The following NPPB variants were observed in gnomAD, a reference collection of about 807,000 sequenced individuals.
NPPB encodes the protein natriuretic peptide B.
In NPPB, 13 loss-of-function variants were observed where a neutral mutation model predicts 12.7. The observed-to-expected ratio is 1.03, with a 90% CI of 0.67 to 1.63. NPPB has a LOEUF of 1.63. NPPB is among the 40% of genes most tolerant of loss of function. The probability of loss-of-function intolerance (pLI) is 0.00; values close to 1 mark genes in which losing one functional copy is unlikely to be tolerated. For missense variants in NPPB, 184 were observed against 172.9 expected, an observed-to-expected ratio of 1.06 and a Z score of -0.36; for synonymous variants, 66 against 74.7, an observed-to-expected ratio of 0.88 and a Z score of 0.60.
At position 11,858,274 on chromosome 1, in the gene NPPB, A is replaced by G. The variant is rs993323918; in HGVS notation, c.328T>C (p.Ser110Pro). ...APRSPKMVQGSGCFGRKMDRI... is the reference protein window; with the variant it reads ...APRSPKMVQGPGCFGRKMDRI... ...TCCATCTTCCTCCCAAAGCAGCCAG[A>G]CCCTTGCACCATCTTGGGGCTTCGT... is the stretch of plus-strand genomic sequence containing the variant. The change falls in exon 2 of 3, where the codon TCT becomes CCT. Residue 110 changes from serine to proline, a missense_variant. By Grantham distance (74) the Ser-to-Pro change is moderately conservative. Transcript: ENST00000376468. The G allele has an allele frequency of 1.2e-6, 2 of 1,613,940 alleles. No homozygotes were observed. The highest frequency in any genetic ancestry group is 2.2e-5 in the East Asian group (1 of 44,864).
At position 11,858,301 on chromosome 1, in the gene NPPB, G is replaced by C. The variant is rs1170739284; in HGVS notation, c.301C>G (p.Pro101Ala). ...RKMVLYTLRA[P>A]RSPKMVQGSG... ...CCTTGCACCATCTTGGGGCTTCGTG[G>C]TGCCCGCAGGGTGTAGAGGACCATT... Residue 101 changes from proline to alanine, a missense_variant, in exon 2 of 3, where the codon CCA becomes GCA. Coordinates refer to ENST00000376468, the MANE Select transcript of NPPB (RefSeq NM_002521.3). 4.3e-6 allele frequency: 7 copies of C among 1,614,000 alleles called. No individual in the cohort carries two copies. The highest frequency in any genetic ancestry group is 1.3e-5 in the African/African-American group (1 of 74,922).
intron 2 of NPPB, 38 bp from the exon 3 acceptor site, chr1:11,857,709 G>A: frequency 6.2e-7 from 1 of 1,612,366 alleles, no homozygotes; most frequent in Admixed American, 1.7e-5. Flanking sequence ...TGGTTAGGGT[G>A]GGAGATGGAG....
In NPPB at chr1:11,857,679, G is replaced by A; in HGVS notation, c.389-8C>T. 6.2e-7 allele frequency: 1 copy of A among 1,613,920 alleles called. No homozygotes were observed. Among genetic ancestry groups the A allele is most frequent in the Non-Finnish European group, 8.5e-7 (1 of 1,179,896 alleles). ...CTTAATGCCGCCTCAGCACTGTCAG[G>A]GAAAGAGAGAGGGTGATGATGGTTA... On this transcript the variant is annotated splice_polypyrimidine_tract_variant and splice_region_variant and intron_variant, in intron 2 of 2. Coordinates refer to ENST00000376468, the MANE Select transcript of NPPB (RefSeq NM_002521.3).
intron 2 of NPPB, 90 bp downstream of exon 2, chr1:11,858,124 G>T: frequency 8.0e-7 from 1 of 1,251,854 alleles, no homozygotes; most frequent in Non-Finnish European, 1.1e-6. Context: ...CAAAGAGTGT[G>T]GTTCCCAGAG....
rs751994081 is a variant in NPPB at position 11,858,702 on chromosome 1, C to CTG, written c.130_131dup (p.Gln44HisfsTer40). 6.2e-7 allele frequency: 1 copy of CTG among 1,614,102 alleles called. No homozygotes were observed. Among genetic ancestry groups the CTG allele is most frequent in the Non-Finnish European group, 8.5e-7 (1 of 1,180,050 alleles). On this transcript the variant is annotated frameshift_variant and splice_region_variant, in exon 1 of 3. Transcript: ENST00000376468. LOFTEE classifies it high-confidence loss of function. Reference sequence around the variant, plus strand: ...CCCCTGAGCTGCCCTCCGCTCTCACCTGTAACCCGGACGTTTCCAAGTCCG... The same window carrying CTG: ...CCCCTGAGCTGCCCTCCGCTCTCACCTGTGTAACCCGGACGTTTCCAAGTCCG...
rs1645137443 is a variant in NPPB at position 11,858,906 on chromosome 1, T to C, written c.-73A>G. ...TGCTGCTGCTGCGATGCGTCCGGGT[T>C]TGCTTCCCACCTGCCCTCAGCCTGC... On this transcript the variant is annotated 5_prime_UTR_variant, in exon 1 of 3. Transcript: ENST00000376468. The C allele has an allele frequency of 2.5e-6, 4 of 1,608,386 alleles. No individual in the cohort carries two copies. The highest frequency in any genetic ancestry group is 3.4e-6 in the Non-Finnish European group (4 of 1,178,874).
In NPPB at chr1:11,858,177, A is replaced by G. The variant is rs1310133087; in HGVS notation, c.388+37T>C. ...GACTCTAACAGTGTCACACACTGGA[A>G]TGGGGGAAGGCGGCCGGGGTGGCAG... On this transcript the variant is annotated intron_variant, in intron 2 of 2. Coordinates refer to ENST00000376468, the MANE Select transcript of NPPB (RefSeq NM_002521.3). The G allele has an allele frequency of 2.6e-6, 4 of 1,554,490 alleles. No individual in the cohort carries two copies. In the African/African-American group the frequency reaches 4.1e-5, roughly 16 times the overall value.
chr1:11,858,289 T>C lies in NPPB; in HGVS notation c.313A>G (p.Lys105Glu). 6.2e-7 allele frequency: 1 copy of C among 1,614,126 alleles called. No homozygotes were observed. Among genetic ancestry groups the C allele is most frequent in the Non-Finnish European group, 8.5e-7 (1 of 1,179,990 alleles). Residue 105 changes from lysine (K) to glutamate (E), a missense_variant, in exon 2 of 3, where the codon AAG (lysine) becomes GAG (glutamate). Physicochemically the swap from Lys to Glu is moderately conservative, Grantham distance 56. Transcript: ENST00000376468. The part of the protein sequence containing the change: ...LYTLRAPRSP[K>E]MVQGSGCFGR... ...AAGCAGCCAGACCCTTGCACCATCT[T>C]GGGGCTTCGTGGTGCCCGCAGGGTG...
rs768745177 is a variant in NPPB at position 11,858,875 on chromosome 1, T to C, written c.-42A>G. 1 of 1,581,984 alleles carries C rather than the reference T, an allele frequency of 6.3e-7. No homozygotes were observed. On this transcript the variant is annotated 5_prime_UTR_variant, in exon 1 of 3. Transcript: ENST00000376468. ...CGGAGGCTGCTGCTGCTGCTTCTGC[T>C]GCTGCTGCTGCTGCTGCGATGCGTC...
Position 11,858,718 on chromosome 1 carries a change from T to G in NPPB, c.116A>C (p.Glu39Ala). ...CGCTCTCACCTGTAACCCGGACGTT[T>G]CCAAGTCCGAGGCTGAACCGGGGCT... The part of the protein sequence containing the change: ...LGSPGSASDL[E>A]TSGLQEQRNH... Residue 39 changes from glutamate (E) to alanine (A), a missense_variant, in exon 1 of 3, where the codon GAA (glutamate) becomes GCA (alanine). Coordinates refer to ENST00000376468, the MANE Select transcript of NPPB (RefSeq NM_002521.3). 1 of 1,614,142 alleles carries G rather than the reference T, an allele frequency of 6.2e-7. No individual in the cohort carries two copies. The highest frequency in any genetic ancestry group is 8.5e-7 in the Non-Finnish European group (1 of 1,180,030).
chr1:11,858,037 T>C (rs909762478), intron 2 of NPPB, among the ~76,000 whole-genome samples, 177 bp downstream of exon 2: 1 of 152,132 alleles, frequency 6.6e-6, no homozygotes, highest in African/African-American at 2.4e-5. Flanking sequence ...TAAGCCCACA[T>C]TTACTAATTC....
In NPPB at chr1:11,857,542, CAAAT is replaced by C; in HGVS notation, c.*109_*112del. The C allele has an allele frequency of 9.9e-7, 1 of 1,008,328 alleles. No homozygotes were observed. The highest frequency in any genetic ancestry group is 2.6e-5 in the East Asian group (1 of 38,492). The allele number at this position is 1,008,328 out of a possible 1,614,324, so 62.5% of individuals were successfully genotyped here. A position where few individuals can be genotyped will look rare whatever the true frequency, so the allele number is the denominator to read the frequency against. ...AAGAAACCATCTTATATAAAACAATCAAATAAATACATAAATACATTAAAAAAAT... is the reference window on the plus strand; with the variant it reads ...AAGAAACCATCTTATATAAAACAATCAAATACATAAATACATTAAAAAAAT... On this transcript the variant is annotated 3_prime_UTR_variant, in exon 3 of 3. Transcript: ENST00000376468.
rs1220945485 is a variant in NPPB at position 11,857,606 on chromosome 1, A to G, written c.*49T>C. 1.9e-6 allele frequency: 3 copies of G among 1,604,742 alleles called. No individual in the cohort carries two copies. Among genetic ancestry groups the G allele is most frequent in the Non-Finnish European group, 2.6e-6 (3 of 1,171,632 alleles). On this transcript the variant is annotated 3_prime_UTR_variant, in exon 3 of 3. Transcript: ENST00000376468. ...CAAAGGCGGCCACAGGGTTGAGGAA[A>G]AAGCCCCTTGTGGAATCAGAAGCAG...
intron 1 of NPPB, 48 bp downstream of exon 1, chr1:11,858,654 C>A: frequency 6.2e-7 from 1 of 1,613,652 alleles, no homozygotes; most frequent in Non-Finnish European, 8.5e-7. Context: ...AGGTGAGGAC[C>A]CTTTCATTGC....
chr1:11,857,516 T>C lies in NPPB; in HGVS notation c.*139A>G, dbSNP rs1645128630. The C allele has an allele frequency of 2.6e-6, 2 of 783,004 alleles. No homozygotes were observed. Among genetic ancestry groups the C allele is most frequent in the Admixed American group, 5.2e-5 (2 of 38,710 alleles). 48.5% of individuals were successfully genotyped at this position (783,004 alleles called of 1,614,324 possible). On this transcript the variant is annotated 3_prime_UTR_variant, in exon 3 of 3. Transcript: ENST00000376468. ...ACCGTGGAAATTTTGTGCTCAAAGG[T>C]AAGAAACCATCTTATATAAAACAAT...
At position 11,857,908 on chromosome 1, in the gene NPPB, G is replaced by A. The variant is rs964129348; in HGVS notation, c.389-237C>T. ...TAGAGGAAACCAGGAGGAAATGTTT[G>A]GTTCTCTTTCTGCACCACTGGGGGG... On this transcript the variant is annotated intron_variant, in intron 2 of 2. Coordinates refer to ENST00000376468, the MANE Select transcript of NPPB (RefSeq NM_002521.3). Among the ~76,000 whole-genome samples the A allele has an allele frequency of 3.9e-5, 6 of 152,150 alleles. No homozygotes were observed. In the East Asian group the frequency reaches 7.7e-4, roughly 20 times the overall value.
intron 1 of NPPB, 112 bp downstream of exon 1, chr1:11,858,590 T>G (rs1034045722): frequency 2.6e-5 from 41 of 1,590,264 alleles, no homozygotes; most frequent in Non-Finnish European, 3.5e-5. Flanking sequence ...CTCTCCATTT[T>G]CTGATTCCTT....
rs781514352 is a variant in NPPB at position 11,858,853 on chromosome 1, A to AGGC, written c.-23_-21dup. The AGGC allele has an allele frequency of 1.2e-5, 19 of 1,609,726 alleles. No homozygotes were observed. The highest frequency in any genetic ancestry group is 7.7e-5 in the South Asian group (7 of 91,022). ...ATCCATGTCTCTGGAGGGACTGCGGAGGCTGCTGCTGCTGCTTCTGCTGCT... is the reference window on the plus strand; with the variant it reads ...ATCCATGTCTCTGGAGGGACTGCGGAGGCGGCTGCTGCTGCTGCTTCTGCTGCT... On this transcript the variant is annotated 5_prime_UTR_variant, in exon 1 of 3. Transcript: ENST00000376468.
In NPPB at chr1:11,858,206, G is replaced by T. The variant is rs778054743; in HGVS notation, c.388+8C>A. On this transcript the variant is annotated splice_region_variant and intron_variant, in intron 2 of 2. Transcript: ENST00000376468. ...GGGAAGGCGGCCGGGGTGGCAGGGGGTGCTTACCTTTGCAGCCCAGGCCAC... is the reference window on the plus strand; with the variant it reads ...GGGAAGGCGGCCGGGGTGGCAGGGGTTGCTTACCTTTGCAGCCCAGGCCAC... The T allele has an allele frequency of 3.8e-6, 6 of 1,595,992 alleles. No homozygotes were observed. In the African/African-American group the frequency reaches 8.1e-5, roughly 21 times the overall value.
Sources: allele counts gnomAD v4.1 joint callset (sites outside exome capture counted in the v4.1 genomes callset), GRCh38; gene constraint gnomAD v4.1.1; transcripts MANE v1.5; gene names NCBI Gene and HGNC (gene_info 2026-07-23, HGNC 2026-07-21).